The following CSMD1 variants were observed in gnomAD, a reference collection of about 807,000 sequenced individuals.
CSMD1 encodes the protein CUB and Sushi multiple domains 1.
In CSMD1, 213 loss-of-function variants were observed where a neutral mutation model predicts 417.5. The observed-to-expected ratio is 0.51, with a 90% CI of 0.46 to 0.57. The LOEUF (loss-of-function observed/expected upper bound fraction) is 0.57, where lower values mean the gene tolerates loss of function less well. Ranked by LOEUF, CSMD1 falls within the 20% of genes least tolerant of loss-of-function variation. CSMD1 has a pLI of 0.00. For synonymous variants in CSMD1, 2,862 were observed against 1,736.8 expected (o/e 1.65, Z -16.11); for missense variants, 6,923 against 4,529.7 (o/e 1.53, Z -15.17).
chr8:3,379,221 C>A (rs989911439), intron 18 of CSMD1, among the ~76,000 whole-genome samples: 1 of 152,128 alleles, frequency 6.6e-6, no homozygotes, highest in Admixed American at 6.6e-5. Context: ...AGGAGAACTA[C>A]AAACCACTGC....
intron 3 of CSMD1, among the ~76,000 whole-genome samples, chr8:4,273,064 A>C (rs1310948894): frequency 6.6e-6 from 1 of 152,162 alleles, no homozygotes; most frequent in Non-Finnish European, 1.5e-5. Context: ...TGTTGCCATC[A>C]TTTGATTTTT....
intron 2 of CSMD1, among the ~76,000 whole-genome samples, chr8:4,538,943 ATT>A (rs1176255342): frequency 6.6e-6 from 1 of 152,124 alleles, no homozygotes; most frequent in Admixed American, 6.5e-5. Flanking sequence ...AGAAAGCTTT[ATT>A]TTTTCAGCAA....
intron 5 of CSMD1, among the ~76,000 whole-genome samples, chr8:3,799,967 G>C (rs1405579754): frequency 6.6e-6 from 1 of 152,098 alleles, no homozygotes; most frequent in Admixed American, 6.6e-5. Flanking sequence ...AATGTCTGGG[G>C]TATAAGCATT....
intron 7 of CSMD1, among the ~76,000 whole-genome samples, chr8:3,660,730 AG>A (rs1265782719): frequency 1.1e-5 from 1 of 90,308 alleles, no homozygotes; most frequent in Non-Finnish European, 2.4e-5. Flanking sequence ...CATGTTGGTC[AG>A]GGTGATGTCA....
intron 2 of CSMD1, among the ~76,000 whole-genome samples, chr8:4,452,503 CTTTAA>C (rs1412756859): frequency 2.6e-5 from 4 of 152,144 alleles, no homozygotes; most frequent in African/African-American, 7.2e-5. Flanking sequence ...CTAACTACAG[CTTTAA>C]TTTTAGTTCA....
At chr8:3,928,837 T>C (rs1029197089) in intron 5 of CSMD1, among the ~76,000 whole-genome samples, 6 of 120,728 alleles carry the variant, frequency 5.0e-5, no homozygotes, top group African/African-American at 1.6e-4. Flanking sequence ...CCCCAGGTCA[T>C]GCTGTCACTA....
intron 3 of CSMD1, among the ~76,000 whole-genome samples, chr8:4,281,850 C>G (rs1796802262): frequency 6.6e-6 from 1 of 152,080 alleles, no homozygotes; most frequent in Admixed American, 6.6e-5. Context: ...ATAAACACAC[C>G]TAACATGCAT....
At chr8:4,014,664 C>T (rs530929065) in intron 4 of CSMD1, among the ~76,000 whole-genome samples, 85 of 152,162 alleles carry the variant, frequency 5.6e-4, no homozygotes, top group Non-Finnish European at 4.9e-4. Context: ...GAAAAGAGCT[C>T]GTCTGAGCTG....
intron 3 of CSMD1, among the ~76,000 whole-genome samples, chr8:4,267,369 G>C (rs1226032503): frequency 2.0e-5 from 1 of 48,826 alleles, no homozygotes; most frequent in Admixed American, 2.0e-4. Context: ...GTTTAAAAGG[G>C]AGTCTTAGGA....
At chr8:4,635,787 G>A (rs1437999311) in intron 2 of CSMD1, among the ~76,000 whole-genome samples, 1 of 151,976 alleles carries the variant, frequency 6.6e-6, no homozygotes, top group African/African-American at 2.4e-5. Flanking sequence ...AGCAAGTATT[G>A]TATATGTAGA....
chr8:3,402,708 T>C (rs906167248), intron 15 of CSMD1, among the ~76,000 whole-genome samples: 1 of 152,220 alleles, frequency 6.6e-6, no homozygotes, highest in African/African-American at 2.4e-5. Flanking sequence ...AACATTTTTC[T>C]TTCCTAGTTC....
At chr8:3,644,966 G>GAAAAATAAAAAAAAAA (rs1797501761) in intron 7 of CSMD1, among the ~76,000 whole-genome samples, 1 of 64,542 alleles carries the variant, frequency 1.5e-5, no homozygotes, top group African/African-American at 8.0e-5. Flanking sequence ...GGCTTTAAAT[G>GAAAAATAAAAAAAAAA]AAAAAAAAAA....
At chr8:3,610,453 T>G (rs948158342) in intron 8 of CSMD1, among the ~76,000 whole-genome samples, 1 of 81,148 alleles carries the variant, frequency 1.2e-5, no homozygotes, top group East Asian at 2.8e-4. Flanking sequence ...GACGATCATT[T>G]GAGCCCTGGA....
chr8:3,670,598 T>C (rs1798948516), intron 7 of CSMD1, among the ~76,000 whole-genome samples: 1 of 147,850 alleles, frequency 6.8e-6, no homozygotes, highest in South Asian at 2.1e-4. Context: ...GGGATATATA[T>C]ATTGCACATA....
chr8:3,964,713 A>C (rs1273644073), intron 5 of CSMD1, among the ~76,000 whole-genome samples: 1 of 152,182 alleles, frequency 6.6e-6, no homozygotes, highest in Non-Finnish European at 1.5e-5. Context: ...AACGCTTCAA[A>C]ATCCATTGCA....
intron 49 of CSMD1, among the ~76,000 whole-genome samples, chr8:3,075,315 C>A (rs1813582371): frequency 6.8e-6 from 1 of 146,226 alleles, no homozygotes; most frequent in East Asian, 2.0e-4. Context: ...TTCGCCCTGT[C>A]ATCCAGGCTG....
At chr8:4,645,595 G>A (rs183530655) in intron 1 of CSMD1, among the ~76,000 whole-genome samples, 2 of 151,974 alleles carry the variant, frequency 1.3e-5, no homozygotes, top group African/African-American at 2.4e-5. Context: ...GCGGGATGAC[G>A]AGGCTGCCCA....
At chr8:4,225,437 T>A (rs890108056) in intron 3 of CSMD1, among the ~76,000 whole-genome samples, 1 of 152,076 alleles carries the variant, frequency 6.6e-6, no homozygotes, top group Non-Finnish European at 1.5e-5. Context: ...ATTATTCTGA[T>A]GAGTATTTGT....
intron 11 of CSMD1, among the ~76,000 whole-genome samples, chr8:3,475,466 G>C (rs890737636): frequency 3.9e-5 from 6 of 152,164 alleles, no homozygotes; most frequent in Admixed American, 2.6e-4. Context: ...TTAGTGTTAT[G>C]TTAGGCAGCA....
Sources: gnomAD v4.1 joint callset for allele counts (sites outside exome capture counted in the v4.1 genomes callset) on GRCh38, gnomAD v4.1.1 for gene constraint, MANE v1.5 for transcripts, NCBI Gene and HGNC (gene_info 2026-07-23, HGNC 2026-07-21) for gene names.